The following KLC1 variants were observed in gnomAD, a reference collection of about 807,000 sequenced individuals.
KLC1 encodes kinesin light chain 1.
Under a neutral mutation model 84.2 loss-of-function variants are expected in KLC1, and 30 were observed. That is an observed-to-expected ratio of 0.36 (90% CI 0.27 to 0.48). The LOEUF is 0.48. Among genes scored for constraint, KLC1 ranks in the 20% least tolerant of loss-of-function variants. The probability of loss-of-function intolerance (pLI) is 0.99; values close to 1 mark genes in which losing one functional copy is unlikely to be tolerated. For missense variants in KLC1, 499 were observed against 805.4 expected, an observed-to-expected ratio of 0.62 and a Z score of 4.60; for synonymous variants, 289 against 293.3, an observed-to-expected ratio of 0.99 and a Z score of 0.15.
intron 12 of KLC1, among the ~76,000 whole-genome samples, chr14:103,678,405 C>T (rs1223572472): frequency 6.6e-6 from 1 of 152,180 alleles, no homozygotes; most frequent in Non-Finnish European, 1.5e-5. Flanking sequence ...TGAAAGGGGA[C>T]TGGGTGTGGT....
At chr14:103,699,460 C>T (rs376831498) in intron 15 of KLC1, 6 of 1,612,950 alleles carry the variant, frequency 3.7e-6, no homozygotes, top group Non-Finnish European at 3.4e-6. Flanking sequence ...GGGCGGAGGC[C>T]TGGCTGTCAA....
At chr14:103,658,325 A>G (rs1424781595) in intron 3 of KLC1, among the ~76,000 whole-genome samples, 3 of 151,842 alleles carry the variant, frequency 2.0e-5, no homozygotes, top group Non-Finnish European at 2.9e-5. Flanking sequence ...CAATGGCACA[A>G]TCTTGGCTTA....
At chr14:103,635,684 G>T (rs1387854087) in intron 1 of KLC1, among the ~76,000 whole-genome samples, 1 of 152,034 alleles carries the variant, frequency 6.6e-6, no homozygotes, top group Admixed American at 6.6e-5. Context: ...AACCCGGGAG[G>T]CGGAGGTTGC....
Position 103,670,629 on chromosome 14 carries a change from C to T in KLC1, c.987+346C>T, listed in dbSNP as rs576238466. Among the ~76,000 whole-genome samples the T allele has an allele frequency of 3.1e-3, 472 of 151,822 alleles. 4 individuals are homozygous for T. The highest frequency in any genetic ancestry group is 0.011 in the African/African-American group (447 of 41,350). ...GGATTACAGGCTGAGCCACTGTGCC[C>T]GGCGCTGTTTTTTGTGTTTTTAAAA... On this transcript the variant is annotated intron_variant, in intron 7 of 16. Coordinates refer to ENST00000334553, the MANE Select transcript of KLC1 (RefSeq NM_001394837.1).
chr14:103,641,319 C>G (rs74924952), intron 1 of KLC1, among the ~76,000 whole-genome samples: 4 of 151,974 alleles, frequency 2.6e-5, no homozygotes, highest in African/African-American at 9.7e-5. Context: ...GATACCATAT[C>G]ACATTTAGTC....
Position 103,673,267 on chromosome 14 carries a change from G to A in KLC1, c.1162-65G>A, listed in dbSNP as rs753005953. 3.4e-4 allele frequency: 529 copies of A among 1,556,634 alleles called. 1 individual carries two copies. Among genetic ancestry groups the A allele is most frequent in the Middle Eastern group, 8.6e-4 (5 of 5,824 alleles). ...CCAAACACTTTCTCATTTAACTGGA[G>A]ATTAAAATGTATGCTTTATTTACAT... On this transcript the variant is annotated intron_variant, in intron 8 of 16. Transcript: ENST00000334553.
chr14:103,696,109 C>T, intron 15 of KLC1: 3 of 854,964 alleles, frequency 3.5e-6, no homozygotes, highest in Non-Finnish European at 4.2e-6. Flanking sequence ...CCCCCCGCCC[C>T]CCCCCACAGC....
intron 11 of KLC1, among the ~76,000 whole-genome samples, chr14:103,676,507 C>G (rs566813323): frequency 6.6e-6 from 1 of 152,152 alleles, no homozygotes; most frequent in African/African-American, 2.4e-5. Flanking sequence ...CTCAGGTGAT[C>G]CACCCGCCTC....
At chr14:103,677,360 G>A (rs1469797073) in intron 11 of KLC1, 55 bp from the exon 12 acceptor site, 4 of 1,002,980 alleles carry the variant, frequency 4.0e-6, no homozygotes, top group South Asian at 1.3e-5. Context: ...GCTGTTGATA[G>A]TGGTTGTTCA....
intron 11 of KLC1, among the ~76,000 whole-genome samples, chr14:103,676,873 AAG>A (rs1216214086): frequency 2.0e-5 from 3 of 152,218 alleles, no homozygotes; most frequent in Non-Finnish European, 4.4e-5. Flanking sequence ...GAAAGAAAGA[AAG>A]AACACAGAAA....
In KLC1 at chr14:103,662,795, A is replaced by G; in HGVS notation, c.665A>G (p.Gln222Arg). The G allele has an allele frequency of 6.2e-7, 1 of 1,612,692 alleles. No homozygotes were observed. Among genetic ancestry groups the G allele is most frequent in the Non-Finnish European group, 8.5e-7 (1 of 1,179,832 alleles). Reference protein sequence around the residue: ...RLRTLHNLVIQYASQGRYEVA... With the variant: ...RLRTLHNLVIRYASQGRYEVA... The stretch of plus-strand genomic sequence containing the variant: ...CGGACGCTCCACAACCTGGTGATCC[A>G]GTACGCCTCGCAGGGGCGCTACGAG... Residue 222 changes from glutamine (Q) to arginine (R), a missense_variant, in exon 5 of 17, where the codon CAG becomes CGG. Physicochemically the swap from Gln to Arg is conservative, Grantham distance 43. Around this residue, in one of 3 missense-constraint regions of KLC1, gnomAD observed 153 missense variants for 332.4 expected, o/e 0.46. Transcript: ENST00000334553.
rs779769420 is a variant in KLC1 at position 103,696,515 on chromosome 14, G to C, written c.1848+4090G>C. 459 of 985,454 alleles carry C rather than the reference G, an allele frequency of 4.7e-4. 1 individual carries two copies. Among genetic ancestry groups the C allele is most frequent in the Non-Finnish European group, 5.3e-4 (440 of 829,928 alleles). 61.0% of individuals were successfully genotyped at this position (985,454 alleles called of 1,614,324 possible). A position where few individuals can be genotyped will look rare whatever the true frequency, so the allele number is the denominator to read the frequency against. ...GGTTTTCCATTGTCATAACTGTATGGAATTTTCTTGGAGGATGTCATTAGC... is the reference window on the plus strand; with the variant it reads ...GGTTTTCCATTGTCATAACTGTATGCAATTTTCTTGGAGGATGTCATTAGC... On this transcript the variant is annotated intron_variant, in intron 15 of 16. Transcript: ENST00000334553.
chr14:103,697,367 C>T (rs1390806110), intron 15 of KLC1, among the ~76,000 whole-genome samples: 6 of 152,162 alleles, frequency 3.9e-5, no homozygotes, highest in Non-Finnish European at 8.8e-5. Flanking sequence ...CAACCAGTGC[C>T]AGCCCCCCTT....
rs186555939 is a variant in KLC1 at position 103,653,308 on chromosome 14, A to G, written c.-1-1256A>G. On this transcript the variant is annotated intron_variant, in intron 1 of 16. Transcript: ENST00000334553. ...GAATACCTGCACATACCACCCAGCT[A>G]ATTTTACTTCATTTATTTTTATTTA... is the stretch of plus-strand genomic sequence containing the variant. Among the ~76,000 whole-genome samples, 206 of 152,006 alleles carry G rather than the reference A, an allele frequency of 1.4e-3. 1 individual carries two copies. Among genetic ancestry groups the G allele is most frequent in the Admixed American group, 4.5e-3 (69 of 15,242 alleles).
At chr14:103,634,662 A>G (rs1322458193) in intron 1 of KLC1, among the ~76,000 whole-genome samples, 2 of 152,122 alleles carry the variant, frequency 1.3e-5, no homozygotes, top group African/African-American at 4.8e-5. Flanking sequence ...CAAATTGGCT[A>G]AGAAGTCAGT....
rs77358811 is a variant in KLC1 at position 103,652,557 on chromosome 14, T to A, written c.-1-2007T>A. ...CCCAGGCTGGAGTGCAGTGGCGCGATCTCGGCTCACTGCAACTCCTGCCTC... is the reference window on the plus strand; with the variant it reads ...CCCAGGCTGGAGTGCAGTGGCGCGAACTCGGCTCACTGCAACTCCTGCCTC... On this transcript the variant is annotated intron_variant, in intron 1 of 16. Coordinates refer to ENST00000334553, the MANE Select transcript of KLC1 (RefSeq NM_001394837.1). Among the ~76,000 whole-genome samples, 11 of 152,184 alleles carry A rather than the reference T, an allele frequency of 7.2e-5. No individual in the cohort carries two copies. In the East Asian group the frequency reaches 1.5e-3, roughly 21 times the overall value.
chr14:103,670,305 GTTTTC>G, intron 7 of KLC1, 22 bp downstream of exon 7: 2 of 1,511,766 alleles, frequency 1.3e-6, no homozygotes, highest in Non-Finnish European at 1.8e-6. Context: ...GGGGGCAGTC[GTTTTC>G]TTTGAGATTT....
At chr14:103,649,895 C>T (rs978611795) in intron 1 of KLC1, among the ~76,000 whole-genome samples, 2 of 152,052 alleles carry the variant, frequency 1.3e-5, no homozygotes, top group African/African-American at 4.8e-5. Flanking sequence ...CGGGGTTTCA[C>T]CGTGTTAGCC....
intron 1 of KLC1, among the ~76,000 whole-genome samples, 151 bp downstream of exon 1, chr14:103,629,645 C>T (rs1180550721): frequency 6.6e-6 from 1 of 151,972 alleles, no homozygotes; most frequent in Non-Finnish European, 1.5e-5. Context: ...TCCGTTCCCA[C>T]CCCGGTACCC....
Sources: allele counts gnomAD v4.1 joint callset (sites outside exome capture counted in the v4.1 genomes callset), GRCh38; gene constraint gnomAD v4.1.1; regional missense constraint gnomAD v4.1.1; transcripts MANE v1.5; gene names NCBI Gene and HGNC (gene_info 2026-07-23, HGNC 2026-07-21).